SYT12: variants seen among roughly 807,000 people sequenced by gnomAD.
SYT12 encodes the protein synaptotagmin-12.
A neutral mutation model predicts 39.5 loss-of-function variants in SYT12; 27 were observed. The observed-to-expected ratio is 0.68, with a 90% CI of 0.50 to 0.94. The LOEUF is 0.94. Ranked by LOEUF, SYT12 falls within the 40% of genes least tolerant of loss-of-function variation. SYT12 has a pLI of 0.00. For missense variants in SYT12, 536 were observed against 572.6 expected, an observed-to-expected ratio of 0.94 and a Z score of 0.65; for synonymous variants, 233 against 239.7, an observed-to-expected ratio of 0.97 and a Z score of 0.26.
chr11:67,033,040 G>A (rs1950299514), intron 2 of SYT12: 1 of 152,850 alleles, frequency 6.5e-6, no homozygotes, highest in East Asian at 1.9e-4. Flanking sequence ...CAGCTCAGCA[G>A]ACAGCAGGGC....
chr11:67,013,903 C>T (rs556209040), intron 3 of SYT12, among the ~76,000 whole-genome samples: 14 of 152,342 alleles, frequency 9.2e-5, no homozygotes, highest in South Asian at 4.1e-4. Flanking sequence ...TCCCTCCAGA[C>T]GCTCTCCGGG....
At position 67,045,652 on chromosome 11, in the gene SYT12, T is replaced by C. The variant is rs1320441796; in HGVS notation, c.959-92T>C. On this transcript the variant is annotated intron_variant, in intron 6 of 7. Transcript: ENST00000527043. ...GGAGGTCACAGCAACAGTTAAGCAT[T>C]GGGGAGTTTGGAGTCGGTGGGTGGA... The C allele has an allele frequency of 5.9e-6, 9 of 1,531,358 alleles. No homozygotes were observed. In the South Asian group the frequency reaches 9.6e-5, roughly 16 times the overall value. The allele number at this position is 1,531,358 out of a possible 1,614,324, so 94.9% of individuals were successfully genotyped here.
At chr11:67,035,458 C>CTTTTTTTT (rs1213047598) in intron 3 of SYT12, among the ~76,000 whole-genome samples, 1 of 90,238 alleles carries the variant, frequency 1.1e-5, no homozygotes, top group Non-Finnish European at 2.2e-5. Flanking sequence ...TTTTTCTTTT[C>CTTTTTTTT]TTTTTTTTTT....
At chr11:67,016,063 C>T (rs982600481) in intron 3 of SYT12, among the ~76,000 whole-genome samples, 5 of 152,116 alleles carry the variant, frequency 3.3e-5, no homozygotes, top group Admixed American at 1.3e-4. Flanking sequence ...GGCAGATCAC[C>T]TGAGGTCAGG....
rs759267084 is a variant in SYT12 at position 67,025,509 on chromosome 11, C to T, written c.-24+2049C>T. Among the ~76,000 whole-genome samples, 4 of 152,158 alleles carry T rather than the reference C, an allele frequency of 2.6e-5. No homozygotes were observed. In the East Asian group the frequency reaches 5.8e-4, roughly 22 times the overall value. ...TGCTCTTTGCTGTGTGTCTGGACAC[C>T]GGGGATGCTCTGGTCACAGGCTGCC... is the stretch of plus-strand genomic sequence containing the variant. On this transcript the variant is annotated intron_variant, in intron 1 of 7. Coordinates refer to ENST00000527043, the MANE Select transcript of SYT12 (RefSeq NM_177963.4).
chr11:67,027,008 G>A (rs1030853328), intron 1 of SYT12: 4 of 152,210 alleles, frequency 2.6e-5, no homozygotes, highest in Non-Finnish European at 5.9e-5. Flanking sequence ...GTGGGGAACT[G>A]AGGCTCTAAG....
intron 2 of SYT12, among the ~76,000 whole-genome samples, chr11:67,034,187 T>G (rs1305012668): frequency 6.6e-6 from 1 of 152,190 alleles, no homozygotes; most frequent in Non-Finnish European, 1.5e-5. Flanking sequence ...GAAACCCTAT[T>G]TCTCCCAACT....
intron 3 of SYT12, among the ~76,000 whole-genome samples, chr11:67,035,714 C>T (rs1171623982): frequency 3.3e-5 from 5 of 151,906 alleles, no homozygotes; most frequent in African/African-American, 1.2e-4. Flanking sequence ...GCCTTGGCCT[C>T]CCAAAGTACT....
chr11:67,042,151 G>A (rs971610165), intron 4 of SYT12, among the ~76,000 whole-genome samples: 1 of 152,204 alleles, frequency 6.6e-6, no homozygotes, highest in Non-Finnish European at 1.5e-5. Flanking sequence ...CTAGCAGTAT[G>A]ATCTTGGTTA....
rs779592544 is a variant in SYT12 at position 67,034,656 on chromosome 11, C to A, written c.46C>A (p.Pro16Thr). Residue 16 changes from proline to threonine, a missense_variant, in exon 3 of 8, where the codon CCC becomes ACC. Transcript: ENST00000527043. ...CCCTTGCCTTGCAGTCATCAAGAGC[C>A]CCCCTGGCTGGGAGGTGGGTGTCTA... ...AEYHLSVIKS[P>T]PGWEVGVYAA... is the part of the protein sequence containing the mutation. 6.3e-7 allele frequency: 1 copy of A among 1,593,282 alleles called. No individual in the cohort carries two copies. Among genetic ancestry groups the A allele is most frequent in the African/African-American group, 1.4e-5 (1 of 73,606 alleles).
At position 67,048,629 on chromosome 11, in the gene SYT12, C is replaced by G; in HGVS notation, c.1138C>G (p.Arg380Gly). The G allele has an allele frequency of 6.2e-7, 1 of 1,611,418 alleles. No individual in the cohort carries two copies. The highest frequency in any genetic ancestry group is 8.5e-7 in the Non-Finnish European group (1 of 1,178,074). The change falls in exon 8 of 8, where the codon CGT becomes GGT. Residue 380 changes from arginine to glycine, a missense_variant. Physicochemically the swap from Arg to Gly is moderately radical, Grantham distance 125. Coordinates refer to ENST00000527043, the MANE Select transcript of SYT12 (RefSeq NM_177963.4). Reference protein sequence around the residue: ...VTVAESSSDGRGDNVGHVIIG... With the variant: ...VTVAESSSDGGGDNVGHVIIG... ...GGTGGCTGAGAGCAGCAGCGACGGC[C>G]GTGGGGACAACGTGGGCCATGTCAT...
At chr11:67,027,606 G>T in intron 1 of SYT12, 1 of 152,088 alleles carries the variant, frequency 6.6e-6, no homozygotes, top group East Asian at 1.9e-4. Context: ...AGGATGTCGT[G>T]TTAAAGGGAG....
intron 3 of SYT12, among the ~76,000 whole-genome samples, 164 bp downstream of exon 3, chr11:67,035,002 CTTTTTTTTTT>C (rs11316433): frequency 2.7e-5 from 3 of 112,104 alleles, no homozygotes; most frequent in African/African-American, 7.6e-5. Context: ...ACATCTTCAA[CTTTTTTTTTT>C]TTTTTTTTTT....
rs755480709 is a variant in SYT12, at chr11:67,048,615, G to A, written c.1124G>A (p.Ser375Asn). 1.2e-6 allele frequency: 2 copies of A among 1,607,108 alleles called. No homozygotes were observed. Among genetic ancestry groups the A allele is most frequent in the South Asian group, 1.1e-5 (1 of 90,996 alleles). ...DLSLRVTVAE[S>N]SSDGRGDNVG... Reference sequence around the variant, plus strand: ...TCTCTCCGCGTGACGGTGGCTGAGAGCAGCAGCGACGGCCGTGGGGACAAC... The same window carrying A: ...TCTCTCCGCGTGACGGTGGCTGAGAACAGCAGCGACGGCCGTGGGGACAAC... Residue 375 changes from serine (S) to asparagine (N), a missense_variant, in exon 8 of 8, where the codon AGC (serine) becomes AAC (asparagine). Transcript: ENST00000527043.
intron 3 of SYT12, among the ~76,000 whole-genome samples, chr11:67,037,709 C>T (rs1056512597): frequency 6.6e-6 from 1 of 151,482 alleles, no homozygotes; most frequent in African/African-American, 2.4e-5. Context: ...GGAGAAATGC[C>T]GTCTCTACTA....
intron 2 of SYT12, among the ~76,000 whole-genome samples, chr11:67,034,073 T>C (rs1164871867): frequency 6.6e-6 from 1 of 152,236 alleles, no homozygotes; most frequent in Admixed American, 6.5e-5. Context: ...AAGATTCACA[T>C]ACCAAGCAAT....
At chr11:67,009,529 T>A (rs935531156) in intron 1 of SYT12, among the ~76,000 whole-genome samples, 18 of 152,170 alleles carry the variant, frequency 1.2e-4, no homozygotes, top group Non-Finnish European at 2.5e-4. Context: ...TGGCCTAAAG[T>A]GATCCACCCA....
chr11:67,042,615 AG>A (rs1371071694), intron 4 of SYT12, among the ~76,000 whole-genome samples: 1 of 152,216 alleles, frequency 6.6e-6, no homozygotes, highest in Admixed American at 6.5e-5. Flanking sequence ...GCACACGCTC[AG>A]AGAATGGCTG....
At chr11:67,029,935 T>A in intron 1 of SYT12, 187 bp from the exon 2 acceptor site, 1 of 568,372 alleles carries the variant, frequency 1.8e-6, no homozygotes, top group Non-Finnish European at 3.1e-6. Context: ...CTGAGAAGAG[T>A]CTTAGAATGC....
Sources: allele counts gnomAD v4.1 joint callset (sites outside exome capture counted in the v4.1 genomes callset), GRCh38; gene constraint gnomAD v4.1.1; transcripts MANE v1.5; gene names NCBI Gene and HGNC (gene_info 2026-07-23, HGNC 2026-07-21).